Variants in PARD3 observed in about 807,000 individuals in gnomAD.
PARD3 encodes partitioning defective 3 homolog.
A neutral mutation model predicts 155.4 loss-of-function variants in PARD3; 75 were observed. The ratio of observed to expected loss-of-function variants is 0.48; its 90% CI spans 0.40 to 0.58. The LOEUF (loss-of-function observed/expected upper bound fraction) is 0.58, where lower values mean the gene tolerates loss of function less well. PARD3 is among the 20% of genes least tolerant of loss of function. The probability of loss-of-function intolerance (pLI) is 0.00; values close to 1 mark genes in which losing one functional copy is unlikely to be tolerated. For missense variants in PARD3, 1,642 were observed against 1,721.7 expected, an observed-to-expected ratio of 0.95 and a Z score of 0.82; for synonymous variants, 576 against 610.5, an observed-to-expected ratio of 0.94 and a Z score of 0.83.
intron 15 of PARD3, chr10:34,345,164 A>G: frequency 1.0e-6 from 1 of 985,410 alleles, no homozygotes; most frequent in Non-Finnish European, 1.2e-6. Flanking sequence ...AAGTAAAACA[A>G]AAAACATCAT....
Position 34,604,722 on chromosome 10 carries a change from T to G in PARD3, c.223-87563A>C, listed in dbSNP as rs558863084. ...TTATAAAAAATAAAAGTGTACTTTA[T>G]TGAACTATAAGCAACAAAGATATTG... On this transcript the variant is annotated intron_variant, in intron 2 of 24. Transcript: ENST00000374788. Among the ~76,000 whole-genome samples the G allele has an allele frequency of 4.0e-5, 6 of 151,280 alleles. 1 individual carries two copies. The highest frequency in any genetic ancestry group is 1.4e-4 in the African/African-American group (6 of 41,412).
At chr10:34,692,691 G>A (rs906241237) in intron 2 of PARD3, among the ~76,000 whole-genome samples, 3 of 151,992 alleles carry the variant, frequency 2.0e-5, no homozygotes, top group Non-Finnish European at 4.4e-5. Flanking sequence ...TCTGGCCAAC[G>A]TGACAAAACC....
chr10:34,551,069 T>C (rs2084515472), intron 2 of PARD3, among the ~76,000 whole-genome samples: 1 of 152,060 alleles, frequency 6.6e-6, no homozygotes, highest in Non-Finnish European at 1.5e-5. Flanking sequence ...GCAAAATGTA[T>C]GCAAAAAAAG....
At chr10:34,755,543 C>G (rs1426535606) in intron 1 of PARD3, among the ~76,000 whole-genome samples, 2 of 152,184 alleles carry the variant, frequency 1.3e-5, no homozygotes, top group African/African-American at 4.8e-5. Context: ...TGGTGTCTGT[C>G]TATGCTCAGT....
At chr10:34,479,772 T>C (rs1171966486) in intron 3 of PARD3, among the ~76,000 whole-genome samples, 1 of 151,822 alleles carries the variant, frequency 6.6e-6, no homozygotes, top group African/African-American at 2.4e-5. Context: ...CTACAAGTCC[T>C]CCTCAAATGA....
chr10:34,401,859 G>A lies in PARD3; in HGVS notation c.773C>T (p.Thr258Met), dbSNP rs141275245. 4.7e-5 allele frequency: 76 copies of A among 1,613,494 alleles called. No homozygotes were observed. Among genetic ancestry groups the A allele is most frequent in the Non-Finnish European group, 5.8e-5 (68 of 1,179,510 alleles). ...SRVEPVGHAD[T>M]GLEHIPNFSL... ...AAAGTTGGGTATATGCTCCAAACCC[G>A]TGTCAGCATGTCCAACAGGTTCAAC... The change falls in exon 6 of 25, where the codon ACG becomes ATG. Residue 258 changes from threonine to methionine, a missense_variant. Thr to Met is a moderately conservative substitution (Grantham distance 81). Transcript: ENST00000374788.
rs187233870 is a variant in PARD3, at chr10:34,125,817, C to A, written c.3540+5646G>T. On this transcript the variant is annotated intron_variant, in intron 23 of 24. Coordinates refer to ENST00000374788, the MANE Select transcript of PARD3 (RefSeq NM_001184785.2). ...TAAACTACTTTCAGTCACTCCCAACCTGGGATGGAAAGGATTTAGCAATAC... is the reference window on the plus strand; with the variant it reads ...TAAACTACTTTCAGTCACTCCCAACATGGGATGGAAAGGATTTAGCAATAC... 1.6e-3 allele frequency among the ~76,000 whole-genome samples: 239 copies of A among 152,330 alleles called. 1 individual carries two copies. Among genetic ancestry groups the A allele is most frequent in the African/African-American group, 5.5e-3 (228 of 41,568 alleles).
At chr10:34,219,586 G>C (rs546519455) in intron 22 of PARD3, among the ~76,000 whole-genome samples, 48 of 152,260 alleles carry the variant, frequency 3.2e-4, no homozygotes, top group African/African-American at 1.1e-3. Context: ...AAATCTCTCT[G>C]TTAATTTAGC....
intron 22 of PARD3, among the ~76,000 whole-genome samples, chr10:34,133,876 T>C (rs1410044416): frequency 6.6e-6 from 1 of 152,230 alleles, no homozygotes; most frequent in Non-Finnish European, 1.5e-5. Context: ...CCTTCATGTA[T>C]CAATTTCACT....
At chr10:34,530,386 A>G (rs2133791744) in intron 2 of PARD3, among the ~76,000 whole-genome samples, 1 of 152,276 alleles carries the variant, frequency 6.6e-6, no homozygotes, top group East Asian at 1.9e-4. Flanking sequence ...CTTCTGTCAG[A>G]TGGTGTAATT....
At chr10:34,782,273 G>T (rs1005428708) in intron 1 of PARD3, among the ~76,000 whole-genome samples, 1 of 152,200 alleles carries the variant, frequency 6.6e-6, no homozygotes, top group Non-Finnish European at 1.5e-5. Flanking sequence ...TGTAAGGAAA[G>T]ACTGAAGTTC....
chr10:34,618,645 T>A (rs2091427686), intron 2 of PARD3, among the ~76,000 whole-genome samples: 2 of 152,216 alleles, frequency 1.3e-5, no homozygotes, highest in African/African-American at 4.8e-5. Context: ...TGAGCCACTT[T>A]CAAAACTTCA....
intron 2 of PARD3, among the ~76,000 whole-genome samples, chr10:34,600,187 A>C (rs1489538088): frequency 6.6e-6 from 1 of 151,264 alleles, no homozygotes; most frequent in Non-Finnish European, 1.5e-5. Context: ...ATACAAAAAA[A>C]AAAAAAAAAT....
intron 1 of PARD3, among the ~76,000 whole-genome samples, chr10:34,735,904 TAATAAA>T (rs1209661004): frequency 2.0e-5 from 3 of 152,152 alleles, no homozygotes; most frequent in African/African-American, 4.8e-5. Context: ...TTTCTTGGAG[TAATAAA>T]AATAGAGTCT....
rs548960137 is a variant in PARD3, at chr10:34,573,910, T to C, written c.223-56751A>G. Among the ~76,000 whole-genome samples the C allele has an allele frequency of 2.0e-4, 31 of 152,308 alleles. No individual in the cohort carries two copies. The East Asian group carries it at 5.8e-3, about 28-fold the overall frequency. The stretch of plus-strand genomic sequence containing the variant: ...CTCTGCCACCCAGTGGGAGGTGTTT[T>C]GACATTGTGAAGGCATTTGTTTCCA... On this transcript the variant is annotated intron_variant, in intron 2 of 24. Coordinates refer to ENST00000374788, the MANE Select transcript of PARD3 (RefSeq NM_001184785.2).
At chr10:34,806,865 GGAACT>G (rs1843461782) in intron 1 of PARD3, among the ~76,000 whole-genome samples, 1 of 152,174 alleles carries the variant, frequency 6.6e-6, no homozygotes, top group African/African-American at 2.4e-5. Flanking sequence ...CACAGCTCAG[GGAACT>G]GGCAGTGGGA....
chr10:34,800,776 C>T (rs935104846), intron 1 of PARD3, among the ~76,000 whole-genome samples: 7 of 151,956 alleles, frequency 4.6e-5, no homozygotes, highest in African/African-American at 1.7e-4. Flanking sequence ...CAACAACCTC[C>T]TAAACTAATA....
chr10:34,556,503 C>T (rs1372176839), intron 2 of PARD3, among the ~76,000 whole-genome samples: 1 of 151,986 alleles, frequency 6.6e-6, no homozygotes, highest in Non-Finnish European at 1.5e-5. Context: ...TCGCCTCAGC[C>T]TCCAGAGTAG....
chr10:34,686,963 C>T (rs746659543), intron 2 of PARD3, among the ~76,000 whole-genome samples: 4 of 151,916 alleles, frequency 2.6e-5, no homozygotes, highest in Non-Finnish European at 5.9e-5. Context: ...GCAGAAGAAT[C>T]GCTTGAACCC....
Sources: gnomAD v4.1 joint callset for allele counts (sites outside exome capture counted in the v4.1 genomes callset) on GRCh38, gnomAD v4.1.1 for gene constraint, MANE v1.5 for transcripts, NCBI Gene and HGNC (gene_info 2026-07-23, HGNC 2026-07-21) for gene names.